Variants in DRAXIN observed in about 807,000 individuals in gnomAD.
DRAXIN encodes the protein dorsal repulsive axon guidance protein.
A neutral mutation model predicts 33.9 loss-of-function variants in DRAXIN; 27 were observed. The ratio of observed to expected loss-of-function variants is 0.80; its 90% CI spans 0.59 to 1.10. DRAXIN has a LOEUF of 1.10. DRAXIN is among the 50% of genes least tolerant of loss of function. The pLI, the probability that DRAXIN is intolerant of heterozygous loss-of-function variation, is 0.00. For synonymous variants in DRAXIN, 178 were observed against 194.0 expected (o/e 0.92, Z 0.69); for missense variants, 371 against 460.8 (o/e 0.81, Z 1.78).
At chr1:11,701,800 C>T (rs1385730398) in intron 1 of DRAXIN, among the ~76,000 whole-genome samples, 1 of 152,178 alleles carries the variant, frequency 6.6e-6, no homozygotes, top group Non-Finnish European at 1.5e-5. Flanking sequence ...GACACAGCCT[C>T]CAACTGGCTT....
At chr1:11,708,266 G>A (rs894057575) in intron 2 of DRAXIN, among the ~76,000 whole-genome samples, 2 of 152,360 alleles carry the variant, frequency 1.3e-5, no homozygotes, top group Admixed American at 6.5e-5. Flanking sequence ...AGGAGGTGGG[G>A]AACGGAGAAG....
rs1641390349 is a variant in DRAXIN, at chr1:11,706,789, G to C, written c.451+80G>C. 4 of 1,418,836 alleles carry C rather than the reference G, an allele frequency of 2.8e-6. No individual in the cohort carries two copies. In the Admixed American group the frequency reaches 7.5e-5, roughly 27 times the overall value. 87.9% of individuals were successfully genotyped at this position (1,418,836 alleles called of 1,614,324 possible). ...GGGGAGCAGGAGAGGATGCAGGCAA[G>C]GGTCAGGGGCATGAGGTCCAGAGGA... On this transcript the variant is annotated intron_variant, in intron 2 of 6. Coordinates refer to ENST00000294485, the MANE Select transcript of DRAXIN (RefSeq NM_198545.4). The surrounding 1 kb of genome is among the most constrained non-coding windows in gnomAD (Gnocchi z 5.5).
Position 11,704,386 on chromosome 1 carries a change from G to A in DRAXIN, c.-10-1863G>A, listed in dbSNP as rs1043124275. ...AAATGCCAGCCCAGAGAGCAGCCCC[G>A]CTCCACTGGCCCCGAAGCAGGATTG... On this transcript the variant is annotated intron_variant, in intron 1 of 6. Transcript: ENST00000294485. This position sits in a 1 kb window ranked among gnomAD's most constrained non-coding sequence, Gnocchi z 4.6. Among the ~76,000 whole-genome samples, 2 of 152,198 alleles carry A rather than the reference G, an allele frequency of 1.3e-5. No homozygotes were observed. Among genetic ancestry groups the A allele is most frequent in the Non-Finnish European group, 2.9e-5 (2 of 68,030 alleles).
At chr1:11,698,027 C>T (rs1040441071) in intron 1 of DRAXIN, among the ~76,000 whole-genome samples, 1 of 152,080 alleles carries the variant, frequency 6.6e-6, no homozygotes, top group Non-Finnish European at 1.5e-5. Context: ...CCTGCACTGC[C>T]GGGCTCCATC....
intron 5 of DRAXIN, among the ~76,000 whole-genome samples, chr1:11,713,776 C>T (rs1270633011): frequency 2.0e-5 from 3 of 152,106 alleles, no homozygotes; most frequent in Admixed American, 6.5e-5. Context: ...TGCGGTGGCT[C>T]ACGCCTATAA....
At chr1:11,712,761 T>C (rs1425610883) in intron 5 of DRAXIN, among the ~76,000 whole-genome samples, 1 of 151,848 alleles carries the variant, frequency 6.6e-6, no homozygotes, top group Non-Finnish European at 1.5e-5. Context: ...TATCCGGGCA[T>C]GGTGGAACAT....
In DRAXIN at chr1:11,723,334, G is replaced by A. The variant is rs1235883885; in HGVS notation, c.*3638G>A. On this transcript the variant is annotated 3_prime_UTR_variant, in exon 7 of 7. Coordinates refer to ENST00000294485, the MANE Select transcript of DRAXIN (RefSeq NM_198545.4). ...CACAGGCCTGGGGCCCACCCACAAA[G>A]CTTCTGTTTTGTTTGGTCTGGGCTT... The A allele has an allele frequency of 6.6e-6, 1 of 152,112 alleles. No individual in the cohort carries two copies. Among genetic ancestry groups the A allele is most frequent in the Non-Finnish European group, 1.5e-5 (1 of 68,028 alleles). 9.4% of individuals were successfully genotyped at this position (152,112 alleles called of 1,614,324 possible).
chr1:11,702,118 C>T (rs1215901041), intron 1 of DRAXIN, among the ~76,000 whole-genome samples: 1 of 151,550 alleles, frequency 6.6e-6, no homozygotes, highest in Non-Finnish European at 1.5e-5. Flanking sequence ...AGTTCACACA[C>T]ACATGCTCAC....
upstream of DRAXIN, among the ~76,000 whole-genome samples, chr1:11,689,696 C>A (rs905254705): frequency 5.3e-5 from 8 of 152,148 alleles, no homozygotes; most frequent in Non-Finnish European, 1.0e-4. Flanking sequence ...AACCAGCAAC[C>A]CTTGGTGCTG....
intron 3 of DRAXIN, among the ~76,000 whole-genome samples, chr1:11,711,458 C>T (rs980611006): frequency 6.6e-6 from 1 of 152,340 alleles, no homozygotes; most frequent in East Asian, 1.9e-4. Flanking sequence ...GTAACCTCTG[C>T]AGAGAGAGGA....
At chr1:11,690,091 TTGTC>T (rs1412756658), upstream of DRAXIN, among the ~76,000 whole-genome samples, 1 of 152,108 alleles carries the variant, frequency 6.6e-6, no homozygotes, top group African/African-American at 2.4e-5. This position sits in a 1 kb window ranked among gnomAD's most constrained non-coding sequence, Gnocchi z 4.2. Flanking sequence ...CCTTCATGCT[TTGTC>T]TGTAATGTGC....
At chr1:11,708,041 A>AC (rs1337366769) in intron 2 of DRAXIN, among the ~76,000 whole-genome samples, 1 of 151,314 alleles carries the variant, frequency 6.6e-6, no homozygotes, top group South Asian at 2.1e-4. Context: ...AGGCCTGAGA[A>AC]CCCCCCAAGA....
intron 5 of DRAXIN, among the ~76,000 whole-genome samples, chr1:11,713,505 A>T (rs977398491): frequency 6.6e-6 from 1 of 152,196 alleles, no homozygotes; most frequent in Admixed American, 6.5e-5. Context: ...CAGTCTAAAA[A>T]CAAGAAGCCG....
In DRAXIN at chr1:11,706,481, G is replaced by C; in HGVS notation, c.223G>C (p.Ala75Pro). 6.2e-7 allele frequency: 1 copy of C among 1,611,028 alleles called. No homozygotes were observed. The highest frequency in any genetic ancestry group is 8.5e-7 in the Non-Finnish European group (1 of 1,178,998). Residue 75 changes from alanine to proline, a missense_variant, in exon 2 of 7, where the codon GCC becomes CCC. By Grantham distance (27) the Ala-to-Pro change is conservative (BLOSUM62 -1). Coordinates refer to ENST00000294485, the MANE Select transcript of DRAXIN (RefSeq NM_198545.4). The surrounding 1 kb of genome is among the most constrained non-coding windows in gnomAD (Gnocchi z 5.5). ...GTGGGGCCCAGGCCTGCCCAGCCAG[G>C]CCCAGGATGGGGCTGTGGTCACCGC... ...KEWGPGLPSQ[A>P]QDGAVVTATR...
chr1:11,691,200 C>T (rs981674313), upstream of DRAXIN, among the ~76,000 whole-genome samples: 1 of 151,812 alleles, frequency 6.6e-6, no homozygotes, highest in Admixed American at 6.5e-5. Flanking sequence ...ACAGTCTAGG[C>T]GGAATAATCC....
chr1:11,687,811 C>T (rs36070735), upstream of DRAXIN, among the ~76,000 whole-genome samples: 11,898 of 152,246 alleles, frequency 0.078, 469 homozygotes, highest in Non-Finnish European at 0.091. The surrounding 1 kb of genome is among the most constrained non-coding windows in gnomAD (Gnocchi z 4.1). Flanking sequence ...TTCATTCCTT[C>T]GTAGAACCAA....
At chr1:11,701,911 C>T (rs1243349015) in intron 1 of DRAXIN, among the ~76,000 whole-genome samples, 1 of 152,198 alleles carries the variant, frequency 6.6e-6, no homozygotes, top group Non-Finnish European at 1.5e-5. Context: ...GCCAGGCTGG[C>T]ATCTCAGTTG....
intron 1 of DRAXIN, among the ~76,000 whole-genome samples, chr1:11,699,141 C>T (rs1641234553): frequency 6.6e-6 from 1 of 152,192 alleles, no homozygotes; most frequent in South Asian, 2.1e-4. Flanking sequence ...TTCTCAGGCT[C>T]CCTTGGCAGA....
At position 11,718,315 on chromosome 1, in the gene DRAXIN, C is replaced by CAA. The variant is rs759545157; in HGVS notation, c.938-1251_938-1250dup. On this transcript the variant is annotated intron_variant, in intron 6 of 6. Transcript: ENST00000294485. Reference sequence around the variant, plus strand: ...GGGTGACAAGAGCAAAACTCCATCTCAAAAAAAAAAAAAAAAAAAGCAATG... The same window carrying CAA: ...GGGTGACAAGAGCAAAACTCCATCTCAAAAAAAAAAAAAAAAAAAAAGCAATG... 3.7e-3 allele frequency among the ~76,000 whole-genome samples: 349 copies of CAA among 93,756 alleles called. 8 individuals carry two copies. The highest frequency in any genetic ancestry group is 5.0e-3 in the Admixed American group (41 of 8,246). The allele number at this position is 93,756 out of a possible 152,430, so 61.5% of individuals were successfully genotyped here. A position where few individuals can be genotyped will look rare whatever the true frequency, so the allele number is the denominator to read the frequency against.
Sources: gnomAD v4.1 joint callset for allele counts (sites outside exome capture counted in the v4.1 genomes callset) on GRCh38, gnomAD v4.1.1 for gene constraint, Gnocchi (gnomAD v3.1) non-coding constraint, MANE v1.5 for transcripts, NCBI Gene and HGNC (gene_info 2026-07-23, HGNC 2026-07-21) for gene names.